The following HERPUD2 variants were observed in gnomAD, a reference collection of about 807,000 sequenced individuals.
HERPUD2 encodes the protein HERPUD family member 2.
HERPUD2 carries 13 observed loss-of-function variants against 49.9 expected under a neutral mutation model. The observed-to-expected ratio is 0.26, with a 90% CI of 0.17 to 0.41. The LOEUF is 0.41. Ranked by LOEUF, HERPUD2 falls within the 10% of genes least tolerant of loss-of-function variation. The pLI is 1.00. For synonymous variants in HERPUD2, 172 were observed against 171.4 expected, an observed-to-expected ratio of 1.00 and a Z score of -0.03; for missense variants, 449 against 492.2, an observed-to-expected ratio of 0.91 and a Z score of 0.83.
At position 35,670,223 on chromosome 7, in the gene HERPUD2, T is replaced by G; in HGVS notation, c.331A>C (p.Ser111Arg). The change falls in exon 4 of 9, where the codon AGC becomes CGC. Residue 111 changes from serine (S) to arginine (R), a missense_variant. Physicochemically the swap from Ser to Arg is moderately radical, Grantham distance 110. Coordinates refer to ENST00000311350, the MANE Select transcript of HERPUD2 (RefSeq NM_022373.5). ...CTCCCAAAACAACTCACAGAATTGC[T>G]GCTGGATGCCAATGCTTCATGACTT... ...RESHEALASS[S>R]NSSSDHSGST... The G allele has an allele frequency of 2.6e-6, 4 of 1,535,820 alleles. No homozygotes were observed. Among genetic ancestry groups the G allele is most frequent in the Non-Finnish European group, 3.6e-6 (4 of 1,126,522 alleles).
At chr7:35,653,715 A>G (rs943612428) in intron 5 of HERPUD2, among the ~76,000 whole-genome samples, 1 of 151,108 alleles carries the variant, frequency 6.6e-6, no homozygotes, top group African/African-American at 2.4e-5. Flanking sequence ...AGTATCTTTT[A>G]TGACCACAAC....
At chr7:35,671,744 G>A (rs1785649070) in intron 3 of HERPUD2, among the ~76,000 whole-genome samples, 1 of 152,014 alleles carries the variant, frequency 6.6e-6, no homozygotes, top group Non-Finnish European at 1.5e-5. Flanking sequence ...AGGGGCACAA[G>A]AGTTCTTTGA....
At chr7:35,659,194 C>T (rs1295618956) in intron 5 of HERPUD2, among the ~76,000 whole-genome samples, 2 of 152,136 alleles carry the variant, frequency 1.3e-5, no homozygotes, top group Non-Finnish European at 2.9e-5. Context: ...AAGGCTAAGA[C>T]TATGTTAAAT....
chr7:35,638,097 TAA>T (rs1460149937), intron 6 of HERPUD2, among the ~76,000 whole-genome samples: 1 of 152,222 alleles, frequency 6.6e-6, no homozygotes, highest in Non-Finnish European at 1.5e-5. Context: ...GAAACATTCC[TAA>T]GTTTTCTCCT....
At chr7:35,674,432 GA>G (rs1562682863) in intron 2 of HERPUD2, among the ~76,000 whole-genome samples, 1 of 119,364 alleles carries the variant, frequency 8.4e-6, no homozygotes, top group Non-Finnish European at 1.8e-5. Flanking sequence ...GAGAGAGAGA[GA>G]GAGAGAGAGA....
chr7:35,693,717 A>C (rs1283467436), intron 2 of HERPUD2, among the ~76,000 whole-genome samples: 1 of 152,096 alleles, frequency 6.6e-6, no homozygotes, highest in African/African-American at 2.4e-5. Context: ...GGCTCACTGC[A>C]ACCTCCGCCT....
At chr7:35,639,853 CT>C (rs1206986383) in intron 5 of HERPUD2, among the ~76,000 whole-genome samples, 3 of 152,144 alleles carry the variant, frequency 2.0e-5, no homozygotes, top group Non-Finnish European at 4.4e-5. Context: ...CACATATTAC[CT>C]GAACTTTCCT....
chr7:35,680,115 A>G (rs1785848293), intron 2 of HERPUD2, among the ~76,000 whole-genome samples: 1 of 152,154 alleles, frequency 6.6e-6, no homozygotes, highest in Non-Finnish European at 1.5e-5. Flanking sequence ...ATCTTTTAAA[A>G]ACTTAAATCA....
chr7:35,693,654 T>C (rs1388136721), intron 2 of HERPUD2, among the ~76,000 whole-genome samples: 3 of 152,150 alleles, frequency 2.0e-5, no homozygotes, highest in Non-Finnish European at 2.9e-5. Context: ...TGCCAATTCT[T>C]TGAGACAGAG....
intron 5 of HERPUD2, among the ~76,000 whole-genome samples, chr7:35,645,802 T>C (rs1177698469): frequency 6.6e-6 from 1 of 152,186 alleles, no homozygotes; most frequent in Non-Finnish European, 1.5e-5. Flanking sequence ...ACACACATAC[T>C]TGTGTAAGCA....
rs753806791 is a variant in HERPUD2, at chr7:35,633,532, C to G, written c.*158G>C. 6.3e-6 allele frequency: 3 copies of G among 477,304 alleles called. No individual in the cohort carries two copies. The highest frequency in any genetic ancestry group is 6.2e-5 in the African/African-American group (3 of 48,616). 29.6% of individuals were successfully genotyped at this position (477,304 alleles called of 1,614,324 possible). A position where few individuals can be genotyped will look rare whatever the true frequency, so the allele number is the denominator to read the frequency against. On this transcript the variant is annotated 3_prime_UTR_variant, in exon 9 of 9. Coordinates refer to ENST00000311350, the MANE Select transcript of HERPUD2 (RefSeq NM_022373.5). ...AAACTCAGATATTTAGTAGTCCATT[C>G]GTGCTTAAAATATTCATATGCATGA...
chr7:35,671,653 G>A (rs1408386384), intron 3 of HERPUD2, among the ~76,000 whole-genome samples: 1 of 151,936 alleles, frequency 6.6e-6, no homozygotes, highest in Non-Finnish European at 1.5e-5. Flanking sequence ...ACTGAAAAAA[G>A]TAAAGGGGTA....
chr7:35,690,746 T>C (rs1227460067), intron 2 of HERPUD2, among the ~76,000 whole-genome samples: 1 of 151,828 alleles, frequency 6.6e-6, no homozygotes, highest in African/African-American at 2.4e-5. Flanking sequence ...GAGGCAGAGG[T>C]TGCAGTGAGC....
At chr7:35,647,942 G>A (rs915446107) in intron 5 of HERPUD2, among the ~76,000 whole-genome samples, 28 of 151,274 alleles carry the variant, frequency 1.9e-4, no homozygotes, top group African/African-American at 6.8e-4. Flanking sequence ...TGGATAAAGT[G>A]TGGTAAATGA....
chr7:35,643,556 T>C (rs1785001483), intron 5 of HERPUD2, among the ~76,000 whole-genome samples: 2 of 152,022 alleles, frequency 1.3e-5, no homozygotes, highest in Non-Finnish European at 2.9e-5. Flanking sequence ...ATATGCATAA[T>C]AACATTTGTA....
Position 35,670,289 on chromosome 7 carries a change from G to A in HERPUD2, c.265C>T (p.Arg89Trp), listed in dbSNP as rs758452978. 10 of 1,584,348 alleles carry A rather than the reference G, an allele frequency of 6.3e-6. No individual in the cohort carries two copies. Among genetic ancestry groups the A allele is most frequent in the South Asian group, 4.6e-5 (4 of 87,570 alleles). Reference sequence around the variant, plus strand: ...GATTTTGGAGAACTGGGAGGAGTCCGAGAAGTACATACTAGATGAACCATA... The same window carrying A: ...GATTTTGGAGAACTGGGAGGAGTCCAAGAAGTACATACTAGATGAACCATA... ...YHMVHLVCTS[R>W]TPPSSPKSST... The change falls in exon 4 of 9, where the codon CGG becomes TGG. Residue 89 changes from arginine to tryptophan, a missense_variant. Transcript: ENST00000311350.
intron 2 of HERPUD2, among the ~76,000 whole-genome samples, chr7:35,681,971 G>A (rs1318474248): frequency 6.6e-6 from 1 of 152,052 alleles, no homozygotes; most frequent in Non-Finnish European, 1.5e-5. Flanking sequence ...ATACTTTAAA[G>A]GGCAAATTTT....
At chr7:35,665,192 T>C (rs1785510696) in intron 5 of HERPUD2, among the ~76,000 whole-genome samples, 1 of 152,218 alleles carries the variant, frequency 6.6e-6, no homozygotes, top group Admixed American at 6.5e-5. Flanking sequence ...CTGCCTTCTG[T>C]TCAGCTATGC....
chr7:35,654,681 T>TC (rs1264752764), intron 5 of HERPUD2, among the ~76,000 whole-genome samples: 1 of 151,404 alleles, frequency 6.6e-6, no homozygotes, highest in Non-Finnish European at 1.5e-5. Flanking sequence ...AACTTTTTTT[T>TC]TTTTTTTTTT....
Sources: gnomAD v4.1 joint callset for allele counts (sites outside exome capture counted in the v4.1 genomes callset) on GRCh38, gnomAD v4.1.1 for gene constraint, MANE v1.5 for transcripts, NCBI Gene and HGNC (gene_info 2026-07-23, HGNC 2026-07-21) for gene names.